DCDC2C: variants seen among roughly 807,000 people sequenced by gnomAD.
The protein encoded by DCDC2C is doublecortin domain-containing protein 2C.
In DCDC2C, 44 loss-of-function variants were observed where a neutral mutation model predicts 45.0. That is an observed-to-expected ratio of 0.98 (90% CI 0.77 to 1.26). The LOEUF is 1.26. DCDC2C is among the 50% of genes most tolerant of loss of function. The probability of loss-of-function intolerance (pLI) is 0.00; values close to 1 mark genes in which losing one functional copy is unlikely to be tolerated. For synonymous variants in DCDC2C, 187 were observed against 178.8 expected, an observed-to-expected ratio of 1.05 and a Z score of -0.37; for missense variants, 447 against 468.9, an observed-to-expected ratio of 0.95 and a Z score of 0.43.
intron 6 of DCDC2C, among the ~76,000 whole-genome samples, chr2:3,765,879 G>A (rs1033687705): frequency 6.6e-6 from 1 of 152,214 alleles, no homozygotes; most frequent in African/African-American, 2.4e-5. Context: ...AGGGCAGAGG[G>A]ACAATTTGAG....
chr2:3,837,896 C>T (rs560917487), intron 10 of DCDC2C, among the ~76,000 whole-genome samples: 3 of 152,146 alleles, frequency 2.0e-5, no homozygotes, highest in South Asian at 2.1e-4. Context: ...ACACATATCC[C>T]GGGAGGTGAG....
intron 2 of DCDC2C, among the ~76,000 whole-genome samples, chr2:3,712,863 A>G (rs566141233): frequency 6.9e-4 from 105 of 152,254 alleles, no homozygotes; most frequent in African/African-American, 2.3e-3. Flanking sequence ...ATCGTGTTCA[A>G]TGTCCAGAAG....
At position 3,823,216 on chromosome 2, in the gene DCDC2C, G is replaced by C. The variant is rs151153027; in HGVS notation, c.1066-23938G>C. Among the ~76,000 whole-genome samples, 275 of 151,588 alleles carry C rather than the reference G, an allele frequency of 1.8e-3. 1 individual carries two copies. The highest frequency in any genetic ancestry group is 6.2e-3 in the African/African-American group (258 of 41,314). ...TCAAAGTATTTTCTAATTTTTCTGT[G>C]GTTTCCTCTCTGATCTATTTTTTTT... On this transcript the variant is annotated intron_variant, in intron 10 of 10. Coordinates refer to ENST00000399143, the MANE Select transcript of DCDC2C (RefSeq NM_001287444.2).
intron 3 of DCDC2C, among the ~76,000 whole-genome samples, chr2:3,729,663 C>T (rs1334479368): frequency 6.6e-6 from 1 of 152,208 alleles, no homozygotes; most frequent in East Asian, 1.9e-4. Flanking sequence ...CTGATGCTTG[C>T]AGTTCAAGGG....
chr2:3,785,109 C>G lies in DCDC2C; in HGVS notation c.1065+9C>G, dbSNP rs1670615731. The G allele has an allele frequency of 8.1e-7, 1 of 1,231,570 alleles. No individual in the cohort carries two copies. The highest frequency in any genetic ancestry group is 4.2e-5 in the Admixed American group (1 of 23,700). 76.3% of individuals were successfully genotyped at this position (1,231,570 alleles called of 1,614,324 possible). On this transcript the variant is annotated intron_variant, in intron 10 of 10. Coordinates refer to ENST00000399143, the MANE Select transcript of DCDC2C (RefSeq NM_001287444.2). ...AAGACGTTGAAAGAAAGGTTTGTAT[C>G]AACAACAAATGCTGTAGTTTTGCGT...
chr2:3,751,835 A>G (rs1669552407), intron 4 of DCDC2C, among the ~76,000 whole-genome samples: 1 of 152,176 alleles, frequency 6.6e-6, no homozygotes, highest in Non-Finnish European at 1.5e-5. Context: ...ACTAGTGCTA[A>G]AACATAGCCC....
At chr2:3,769,058 C>T in intron 7 of DCDC2C, 1 of 431,904 alleles carries the variant, frequency 2.3e-6, no homozygotes, top group Non-Finnish European at 4.3e-6. Flanking sequence ...GGGTCCAGGA[C>T]CTTCATGAAG....
At chr2:3,823,865 C>T (rs957427617) in intron 10 of DCDC2C, among the ~76,000 whole-genome samples, 1 of 152,106 alleles carries the variant, frequency 6.6e-6, no homozygotes, top group African/African-American at 2.4e-5. Flanking sequence ...TCACCTTTTC[C>T]ACTAGAGCAG....
At chr2:3,804,968 A>T (rs1470026749) in intron 10 of DCDC2C, among the ~76,000 whole-genome samples, 2 of 152,248 alleles carry the variant, frequency 1.3e-5, no homozygotes, top group Non-Finnish European at 2.9e-5. Flanking sequence ...TAGGAGATGA[A>T]TGTGAACACT....
chr2:3,799,459 T>A (rs1671049247), intron 10 of DCDC2C, among the ~76,000 whole-genome samples: 1 of 152,230 alleles, frequency 6.6e-6, no homozygotes, highest in East Asian at 1.9e-4. Context: ...TTTTAGAGTT[T>A]CCAGTTTTTC....
At chr2:3,780,786 G>C (rs1275497074) in intron 9 of DCDC2C, among the ~76,000 whole-genome samples, 1 of 152,222 alleles carries the variant, frequency 6.6e-6, no homozygotes, top group Non-Finnish European at 1.5e-5. Flanking sequence ...CAATGAGATG[G>C]GGAGTTTAGG....
chr2:3,788,803 C>T (rs1382539040), intron 10 of DCDC2C, among the ~76,000 whole-genome samples: 4 of 131,920 alleles, frequency 3.0e-5, no homozygotes, highest in Non-Finnish European at 5.0e-5. Context: ...CCTTCCTTCC[C>T]TCCCTTCCTC....
intron 8 of DCDC2C, among the ~76,000 whole-genome samples, chr2:3,770,758 A>G (rs573895331): frequency 3.3e-5 from 5 of 152,244 alleles, no homozygotes; most frequent in Non-Finnish European, 7.3e-5. Flanking sequence ...CTCGTGTGAC[A>G]AGCACTGTTG....
At chr2:3,827,337 G>GGT in intron 10 of DCDC2C, among the ~76,000 whole-genome samples, 1 of 152,186 alleles carries the variant, frequency 6.6e-6, no homozygotes, top group East Asian at 1.9e-4. Context: ...GGGTCCACTT[G>GGT]GTGTGTTGGA....
chr2:3,814,752 A>G lies in DCDC2C; in HGVS notation c.1065+29652A>G, dbSNP rs112018287. On this transcript the variant is annotated intron_variant, in intron 10 of 10. Transcript: ENST00000399143. ...CTGAGCCTCTGACTGGAGTTACTGG[A>G]GTTCCTACAGGGAAGCCCTGCCCAA... 6.0e-3 allele frequency among the ~76,000 whole-genome samples: 915 copies of G among 152,308 alleles called. 5 individuals are homozygous for G. The highest frequency in any genetic ancestry group is 0.021 in the African/African-American group (886 of 41,556).
At chr2:3,795,130 T>G (rs1018182709) in intron 10 of DCDC2C, among the ~76,000 whole-genome samples, 2 of 151,320 alleles carry the variant, frequency 1.3e-5, no homozygotes, top group Non-Finnish European at 3.0e-5. Flanking sequence ...GGTGAGCATT[T>G]TTTCATGTGT....
intron 10 of DCDC2C, chr2:3,788,591 CTAACA>C (rs1411972589): frequency 6.6e-6 from 1 of 151,948 alleles, no homozygotes; most frequent in Non-Finnish European, 1.5e-5. Context: ...AAAAAAGTAC[CTAACA>C]TAAGATTTTT....
intron 10 of DCDC2C, among the ~76,000 whole-genome samples, chr2:3,834,974 AAGAG>A (rs1201059728): frequency 2.0e-5 from 3 of 152,224 alleles, no homozygotes; most frequent in East Asian, 1.9e-4. Context: ...AATTTGAACT[AAGAG>A]AGACTCAGAG....
intron 10 of DCDC2C, among the ~76,000 whole-genome samples, chr2:3,809,039 TTTATA>T (rs1671325731): frequency 6.6e-6 from 1 of 152,242 alleles, no homozygotes. Context: ...ACTTGCATTT[TTTATA>T]ACCAGCTAAC....
Sources: gnomAD v4.1 joint callset for allele counts (sites outside exome capture counted in the v4.1 genomes callset) on GRCh38, gnomAD v4.1.1 for gene constraint, MANE v1.5 for transcripts, NCBI Gene and HGNC (gene_info 2026-07-23, HGNC 2026-07-21) for gene names.